XPO4: variants seen among roughly 807,000 people sequenced by gnomAD.
XPO4 encodes the protein exportin 4, also known as exportin-4.
A neutral mutation model predicts 143.0 loss-of-function variants in XPO4; 39 were observed. That is an observed-to-expected ratio of 0.27 (90% CI 0.21 to 0.36). The LOEUF is 0.36. Among genes scored for constraint, XPO4 ranks in the 10% least tolerant of loss-of-function variants. XPO4 has a pLI of 1.00. For missense variants in XPO4, 907 were observed against 1,348.0 expected, an observed-to-expected ratio of 0.67 and a Z score of 5.12; for synonymous variants, 439 against 474.0, an observed-to-expected ratio of 0.93 and a Z score of 0.96.
intron 1 of XPO4, among the ~76,000 whole-genome samples, chr13:20,872,674 A>G (rs1270461106): frequency 6.6e-6 from 1 of 152,202 alleles, no homozygotes; most frequent in Admixed American, 6.5e-5. Flanking sequence ...AGATGAGGAA[A>G]CTGAGGTATG....
chr13:20,783,438 C>A lies in XPO4; in HGVS notation c.*284G>T, dbSNP rs1595044165. ...CACTGCATATGTATTTCGTGGTGCC[C>A]ATATCTGTTTGCACATATATGGAAT... is the stretch of plus-strand genomic sequence containing the variant. On this transcript the variant is annotated 3_prime_UTR_variant, in exon 23 of 23. Coordinates refer to ENST00000255305, the MANE Select transcript of XPO4 (RefSeq NM_022459.5). 1.1e-5 allele frequency: 5 copies of A among 435,498 alleles called. No homozygotes were observed. The East Asian group carries it at 2.2e-4, about 19-fold the overall frequency. 27.0% of individuals were successfully genotyped at this position (435,498 alleles called of 1,614,324 possible). A position where few individuals can be genotyped will look rare whatever the true frequency, so the allele number is the denominator to read the frequency against.
chr13:20,826,600 T>C (rs888138287), intron 7 of XPO4, among the ~76,000 whole-genome samples: 2 of 152,214 alleles, frequency 1.3e-5, no homozygotes, highest in African/African-American at 4.8e-5. Context: ...TCTGATATTA[T>C]AGATTTACAA....
At position 20,787,034 on chromosome 13, in the gene XPO4, C is replaced by T. The variant is rs1421151401; in HGVS notation, c.3189G>A (p.Leu1063=). 6.4e-7 allele frequency: 1 copy of T among 1,565,260 alleles called. No individual in the cohort carries two copies. Among genetic ancestry groups the T allele is most frequent in the East Asian group, 2.3e-5 (1 of 42,724 alleles). ...FLKLVFDMLV[L]QKHNTEMTTA... The stretch of plus-strand genomic sequence containing the variant: ...TGGTCATCTCTGTGTTGTGCTTTTG[C>T]AAAACCAGCATATCAAAAACCAGCT... The change falls in exon 22 of 23, where the codon TTG becomes TTA. Residue 1063 remains leucine, a synonymous_variant. Coordinates refer to ENST00000255305, the MANE Select transcript of XPO4 (RefSeq NM_022459.5).
intron 1 of XPO4, among the ~76,000 whole-genome samples, chr13:20,883,047 A>T (rs1051699188): frequency 6.6e-6 from 1 of 152,098 alleles, no homozygotes; most frequent in Non-Finnish European, 1.5e-5. Flanking sequence ...CAGCTCCCTA[A>T]GGCTGCTCTC....
At chr13:20,855,866 C>T in intron 3 of XPO4, 101 bp from the exon 4 acceptor site, 1 of 1,262,874 alleles carries the variant, frequency 7.9e-7, no homozygotes, top group South Asian at 1.6e-5. Context: ...ACATTGCTTA[C>T]ATGTGAGAGT....
At chr13:20,892,568 A>G (rs1230627751) in intron 1 of XPO4, among the ~76,000 whole-genome samples, 1 of 152,180 alleles carries the variant, frequency 6.6e-6, no homozygotes, top group African/African-American at 2.4e-5. Context: ...ACACATAATC[A>G]AGGAAAAGCA....
chr13:20,829,447 T>C (rs1209657639), intron 6 of XPO4, among the ~76,000 whole-genome samples: 3 of 152,128 alleles, frequency 2.0e-5, no homozygotes, highest in Non-Finnish European at 4.4e-5. Flanking sequence ...ATGAGACAAA[T>C]AAATGGGTTC....
At chr13:20,795,007 T>TA (rs5802088) in intron 18 of XPO4, among the ~76,000 whole-genome samples, 52,060 of 134,352 alleles carry the variant, frequency 0.39, 11,196 homozygotes, top group Non-Finnish European at 0.52. Flanking sequence ...CCCAAGAATT[T>TA]AAAAAAAAAA....
In XPO4 at chr13:20,811,019, A is replaced by G. The variant is rs1018668244; in HGVS notation, c.1174-1052T>C. Among the ~76,000 whole-genome samples the G allele has an allele frequency of 2.6e-5, 4 of 152,342 alleles. No individual in the cohort carries two copies. In the East Asian group the frequency reaches 7.7e-4, roughly 29 times the overall value. ...TACTTGTGGTCCAAGATCTCCCTGAATGGAGCTAACATTTGGCTAAAAGGT... is the reference window on the plus strand; with the variant it reads ...TACTTGTGGTCCAAGATCTCCCTGAGTGGAGCTAACATTTGGCTAAAAGGT... On this transcript the variant is annotated intron_variant, in intron 9 of 22. Transcript: ENST00000255305.
At chr13:20,801,087 C>T (rs955797203) in intron 13 of XPO4, 97 bp from the exon 14 acceptor site, 124 of 1,402,270 alleles carry the variant, frequency 8.8e-5, no homozygotes, top group Non-Finnish European at 1.1e-4. Context: ...TCTTTCAGTT[C>T]TCTGGATTTA....
intron 1 of XPO4, 168 bp downstream of exon 1, chr13:20,902,502 G>T: frequency 3.0e-6 from 3 of 985,428 alleles, no homozygotes; most frequent in Non-Finnish European, 3.6e-6. Flanking sequence ...ACGGCAGGAG[G>T]AAAGTAGGCT....
rs746003514 is a variant in XPO4 at position 20,809,844 on chromosome 13, A to G, written c.1297T>C (p.Phe433Leu). 1 of 1,613,810 alleles carries G rather than the reference A, an allele frequency of 6.2e-7. No individual in the cohort carries two copies. The highest frequency in any genetic ancestry group is 8.5e-7 in the Non-Finnish European group (1 of 1,179,850). The change falls in exon 10 of 23, where the codon TTC becomes CTC. Residue 433 changes from phenylalanine (F) to leucine (L), a missense_variant. Physicochemically the swap from Phe to Leu is conservative, Grantham distance 22. Coordinates refer to ENST00000255305, the MANE Select transcript of XPO4 (RefSeq NM_022459.5). ...GFFTQHAVQV[F>L]NSYIQCHLAA... ...AGGTGGCACTGAATATAGGAATTGA[A>G]AACTTGAACTGCATGTTGGGTAAAA...
At chr13:20,892,808 C>T (rs1299879125) in intron 1 of XPO4, among the ~76,000 whole-genome samples, 3 of 151,602 alleles carry the variant, frequency 2.0e-5, no homozygotes, top group African/African-American at 7.3e-5. Flanking sequence ...CGCTTCAGCC[C>T]AGGAGTTTGA....
intron 1 of XPO4, among the ~76,000 whole-genome samples, chr13:20,900,807 T>G (rs1463607265): frequency 1.6e-5 from 1 of 64,150 alleles, no homozygotes; most frequent in Non-Finnish European, 5.4e-5. Flanking sequence ...AGATGGGGCT[T>G]CACCGTGTTG....
chr13:20,883,253 G>C (rs1864070050), intron 1 of XPO4, among the ~76,000 whole-genome samples: 1 of 152,180 alleles, frequency 6.6e-6, no homozygotes, highest in Admixed American at 6.5e-5. Flanking sequence ...ACAGCATGGA[G>C]CTTCAATGGG....
At chr13:20,850,611 T>A (rs1479302321) in intron 4 of XPO4, among the ~76,000 whole-genome samples, 3 of 151,896 alleles carry the variant, frequency 2.0e-5, no homozygotes, top group Admixed American at 6.6e-5. Flanking sequence ...AAAAAAATTT[T>A]AAAATTAGCC....
intron 16 of XPO4, 94 bp downstream of exon 16, chr13:20,799,071 C>A: frequency 6.3e-6 from 7 of 1,107,944 alleles, no homozygotes; most frequent in Non-Finnish European, 8.7e-6. Flanking sequence ...ATGACTGATA[C>A]ATTTATGTCT....
At position 20,803,555 on chromosome 13, in the gene XPO4, A is replaced by G. The variant is rs954404415; in HGVS notation, c.1818-2565T>C. 2.6e-5 allele frequency among the ~76,000 whole-genome samples: 4 copies of G among 152,150 alleles called. No individual in the cohort carries two copies. Among genetic ancestry groups the G allele is most frequent in the African/African-American group, 9.7e-5 (4 of 41,432 alleles). ...AAGACTACGTAGGAAAATGCTTCCT[A>G]ACTTGCCTTGTCACCCTTTAAATTT... On this transcript the variant is annotated intron_variant, in intron 13 of 22. Coordinates refer to ENST00000255305, the MANE Select transcript of XPO4 (RefSeq NM_022459.5). The surrounding 1 kb of genome is among the most constrained non-coding windows in gnomAD (Gnocchi z 4.1).
chr13:20,834,911 G>C (rs2059898551), intron 6 of XPO4, among the ~76,000 whole-genome samples: 1 of 152,188 alleles, frequency 6.6e-6, no homozygotes, highest in South Asian at 2.1e-4. Context: ...AGTGAGCCAT[G>C]ATCATGCCAC....
Sources: gnomAD v4.1 joint callset for allele counts (sites outside exome capture counted in the v4.1 genomes callset) on GRCh38, gnomAD v4.1.1 for gene constraint, Gnocchi (gnomAD v3.1) non-coding constraint, MANE v1.5 for transcripts, NCBI Gene and HGNC (gene_info 2026-07-23, HGNC 2026-07-21) for gene names.